ITGA9: variants seen among roughly 807,000 people sequenced by gnomAD.
ITGA9 encodes integrin alpha-9.
A neutral mutation model predicts 127.8 loss-of-function variants in ITGA9; 56 were observed. The ratio of observed to expected loss-of-function variants is 0.44; its 90% CI spans 0.35 to 0.55. ITGA9 has a LOEUF of 0.55. ITGA9 is among the 20% of genes least tolerant of loss of function. The pLI is 0.00. For synonymous variants in ITGA9, 508 were observed against 514.5 expected, an observed-to-expected ratio of 0.99 and a Z score of 0.17; for missense variants, 1,196 against 1,347.1, an observed-to-expected ratio of 0.89 and a Z score of 1.76.
intron 15 of ITGA9, among the ~76,000 whole-genome samples, chr3:37,606,919 A>C (rs1389851289): frequency 3.4e-5 from 5 of 148,174 alleles, no homozygotes; most frequent in African/African-American, 5.0e-5. Context: ...TGGTTTCTTG[A>C]CACATCTTGG....
intron 23 of ITGA9, among the ~76,000 whole-genome samples, chr3:37,756,045 A>G (rs946702689): frequency 2.6e-5 from 4 of 152,158 alleles, no homozygotes; most frequent in African/African-American, 9.6e-5. Context: ...AATCAAAATA[A>G]TAATTAATGG....
intron 18 of ITGA9, among the ~76,000 whole-genome samples, chr3:37,702,051 G>C (rs972316364): frequency 2.6e-5 from 4 of 152,140 alleles, no homozygotes; most frequent in African/African-American, 9.7e-5. Context: ...GAAAAGGTGA[G>C]TTATTTAGCA....
At chr3:37,738,233 C>T (rs1165694767) in intron 20 of ITGA9, among the ~76,000 whole-genome samples, 2 of 152,232 alleles carry the variant, frequency 1.3e-5, no homozygotes, top group Admixed American at 6.5e-5. Flanking sequence ...GGGTAGACTT[C>T]ATTCCCATTG....
intron 1 of ITGA9, among the ~76,000 whole-genome samples, chr3:37,459,059 G>A (rs924944278): frequency 2.6e-5 from 4 of 152,214 alleles, no homozygotes; most frequent in Admixed American, 1.3e-4. Flanking sequence ...TACAGTCTTT[G>A]AAACCACGGG....
Position 37,464,132 on chromosome 3 carries a change from T to TGTGCGC in ITGA9, c.186-6872_186-6871insCGCGTG, listed in dbSNP as rs1553640580. 2.6e-3 allele frequency among the ~76,000 whole-genome samples: 387 copies of TGTGCGC among 151,414 alleles called. 2 individuals are homozygous for TGTGCGC. The highest frequency in any genetic ancestry group is 9.1e-3 in the African/African-American group (373 of 40,986). ...GAAGGTGTGAGTGTGTGTGTGTGTG[T>TGTGCGC]GTGTGTGTGTGTGTGTGTGTAAGGT... On this transcript the variant is annotated intron_variant, in intron 1 of 27. Coordinates refer to ENST00000264741, the MANE Select transcript of ITGA9 (RefSeq NM_002207.3).
intron 18 of ITGA9, among the ~76,000 whole-genome samples, chr3:37,713,201 C>A (rs188710611): frequency 9.2e-5 from 14 of 152,152 alleles, no homozygotes; most frequent in Non-Finnish European, 2.9e-5. Context: ...TCTGTCTCTC[C>A]TGTCAGAAGC....
chr3:37,667,033 T>G (rs1353135759), intron 17 of ITGA9, among the ~76,000 whole-genome samples: 3 of 151,894 alleles, frequency 2.0e-5, no homozygotes, highest in Non-Finnish European at 4.4e-5. Flanking sequence ...GATACAAAAA[T>G]GCAGACACTG....
chr3:37,686,649 C>T (rs557135576), intron 18 of ITGA9, among the ~76,000 whole-genome samples: 3 of 152,036 alleles, frequency 2.0e-5, no homozygotes, highest in Non-Finnish European at 2.9e-5. Flanking sequence ...GGTTTCAGTT[C>T]GACAGAAACT....
intron 5 of ITGA9, among the ~76,000 whole-genome samples, chr3:37,498,944 C>T (rs1289315361): frequency 6.6e-6 from 1 of 152,248 alleles, no homozygotes; most frequent in African/African-American, 2.4e-5. Flanking sequence ...GCCACTTGGG[C>T]TTGCCTTTTC....
At chr3:37,790,396 C>T (rs756756996) in intron 26 of ITGA9, 43 of 472,162 alleles carry the variant, frequency 9.1e-5, no homozygotes, top group African/African-American at 4.6e-4. Flanking sequence ...CCATTCTGCT[C>T]GGTTCTCTCG....
chr3:37,633,932 G>A (rs563152115), intron 16 of ITGA9, among the ~76,000 whole-genome samples: 22 of 152,144 alleles, frequency 1.4e-4, no homozygotes, highest in Non-Finnish European at 2.8e-4. Flanking sequence ...ACACCATTGT[G>A]AAGTCAAAAA....
intron 23 of ITGA9, among the ~76,000 whole-genome samples, chr3:37,776,341 T>TA (rs533203991): frequency 1.7e-4 from 26 of 151,062 alleles, no homozygotes; most frequent in African/African-American, 4.4e-4. Flanking sequence ...AAATAAAAGT[T>TA]AAAAAAAAAC....
intron 1 of ITGA9, among the ~76,000 whole-genome samples, chr3:37,463,483 C>T (rs908824892): frequency 6.6e-6 from 1 of 152,172 alleles, no homozygotes. Flanking sequence ...TGTATTTCAT[C>T]CTCTTGCAGG....
At chr3:37,773,422 T>G (rs945567756) in intron 23 of ITGA9, among the ~76,000 whole-genome samples, 12 of 152,208 alleles carry the variant, frequency 7.9e-5, no homozygotes, top group Non-Finnish European at 2.9e-5. Context: ...CTACAGGCTT[T>G]GGAGTGAAAA....
At chr3:37,539,165 A>T (rs907737109) in intron 14 of ITGA9, among the ~76,000 whole-genome samples, 2 of 152,194 alleles carry the variant, frequency 1.3e-5, no homozygotes, top group Non-Finnish European at 2.9e-5. Flanking sequence ...TGGTGTTTGT[A>T]AATTATCTAG....
Position 37,558,669 on chromosome 3 carries a change from G to A in ITGA9, c.1689+16084G>A, listed in dbSNP as rs184471215. 3.6e-3 allele frequency among the ~76,000 whole-genome samples: 547 copies of A among 152,286 alleles called. 1 individual carries two copies. The highest frequency in any genetic ancestry group is 6.8e-3 in the Middle Eastern group (2 of 294). ...GTGTGCCAGACACTGTGCTGGGCCC[G>A]GGGCAGATGGAGACTCGTAAGCCAT... On this transcript the variant is annotated intron_variant, in intron 15 of 27. Coordinates refer to ENST00000264741, the MANE Select transcript of ITGA9 (RefSeq NM_002207.3).
intron 3 of ITGA9, among the ~76,000 whole-genome samples, chr3:37,479,705 C>A (rs899641867): frequency 6.6e-6 from 1 of 152,164 alleles, no homozygotes; most frequent in African/African-American, 2.4e-5. Flanking sequence ...TTTTGATGGC[C>A]TCTCAGGTAG....
intron 18 of ITGA9, among the ~76,000 whole-genome samples, chr3:37,687,548 T>C (rs1004460473): frequency 7.2e-5 from 11 of 152,202 alleles, no homozygotes; most frequent in Non-Finnish European, 1.5e-4. Flanking sequence ...TTTAAAACAT[T>C]TTAATGTCTA....
chr3:37,468,845 A>G (rs1187865194), intron 1 of ITGA9, among the ~76,000 whole-genome samples: 1 of 152,158 alleles, frequency 6.6e-6, no homozygotes, highest in African/African-American at 2.4e-5. Flanking sequence ...TCTCTTTTCT[A>G]GGCTGCTGGA....
Sources: gnomAD v4.1 joint callset for allele counts (sites outside exome capture counted in the v4.1 genomes callset) on GRCh38, gnomAD v4.1.1 for gene constraint, MANE v1.5 for transcripts, NCBI Gene and HGNC (gene_info 2026-07-23, HGNC 2026-07-21) for gene names.